Variants in GNL2 observed in about 807,000 individuals in gnomAD.
GNL2 encodes nucleolar GTP-binding protein 2.
GNL2 carries 51 observed loss-of-function variants against 92.3 expected under a neutral mutation model. The ratio of observed to expected loss-of-function variants is 0.55; its 90% CI spans 0.44 to 0.70. The LOEUF is 0.70. Among genes scored for constraint, GNL2 ranks in the 30% least tolerant of loss-of-function variants. The probability of loss-of-function intolerance (pLI) is 0.00; values close to 1 mark genes in which losing one functional copy is unlikely to be tolerated. For synonymous variants in GNL2, 283 were observed against 300.6 expected, an observed-to-expected ratio of 0.94 and a Z score of 0.61; for missense variants, 844 against 895.6, an observed-to-expected ratio of 0.94 and a Z score of 0.74.
chr1:37,592,992 C>T (rs1049708066), intron 2 of GNL2, among the ~76,000 whole-genome samples, 186 bp from the exon 3 acceptor site: 5 of 152,094 alleles, frequency 3.3e-5, no homozygotes, highest in Admixed American at 6.6e-5. Flanking sequence ...GCCATTTAAC[C>T]TCTTGCAACA....
chr1:37,593,843 C>A lies in GNL2; in HGVS notation c.68G>T (p.Arg23Leu), dbSNP rs865970057. 1 of 1,611,146 alleles carries A rather than the reference C, an allele frequency of 6.2e-7. No homozygotes were observed. The highest frequency in any genetic ancestry group is 1.1e-5 in the South Asian group (1 of 90,894). ...NPSKASTNPD[R>L]VQGAGGQNMR... The stretch of plus-strand genomic sequence containing the variant: ...GTTTTGGCCTCCTGCTCCCTGCACT[C>A]GATCTACAAAAGGCAGAAGTACACA... Residue 23 changes from arginine (R) to leucine (L), a missense_variant, in exon 2 of 16, where the codon CGA (arginine) becomes CTA (leucine). Transcript: ENST00000373062.
rs754553486 is a variant in GNL2 at position 37,574,412 on chromosome 1, A to G, written c.1347T>C (p.Asn449=). The G allele has an allele frequency of 6.2e-7, 1 of 1,614,074 alleles. No individual in the cohort carries two copies. The highest frequency in any genetic ancestry group is 2.2e-5 in the East Asian group (1 of 44,874). ...DLQTVGKMVL[N]DWQRGRIPFF... ...AAGGAATCCGGCCCCTCTGCCAGTC[A>G]TTGAGGACCATCTTACCCACAGTCT... The change falls in exon 12 of 16, where the codon AAT becomes AAC. Residue 449 remains asparagine, a synonymous_variant. Coordinates refer to ENST00000373062, the MANE Select transcript of GNL2 (RefSeq NM_013285.3).
At chr1:37,583,829 A>C in intron 6 of GNL2, 38 bp downstream of exon 6, 1 of 1,186,330 alleles carries the variant, frequency 8.4e-7, no homozygotes, top group Non-Finnish European at 1.3e-6. Context: ...ATGAAAGCCC[A>C]AGGAACCACT....
intron 4 of GNL2, among the ~76,000 whole-genome samples, chr1:37,588,214 C>T (rs927044707): frequency 3.3e-5 from 5 of 151,844 alleles, no homozygotes; most frequent in African/African-American, 9.7e-5. Flanking sequence ...ATAGGAATTT[C>T]TGAAGCAAGA....
rs1570054335 is a variant in GNL2 at position 37,575,536 on chromosome 1, G to A, written c.1143+59C>T. The stretch of plus-strand genomic sequence containing the variant: ...ATAAGTAAAAAGGAAAGGTATCCAG[G>A]GTTCCCTATAGAACACTCCCCCGCA... On this transcript the variant is annotated intron_variant, in intron 10 of 15. Transcript: ENST00000373062. This position sits in a 1 kb window ranked among gnomAD's most constrained non-coding sequence, Gnocchi z 4.1. 2.1e-6 allele frequency: 2 copies of A among 968,450 alleles called. No homozygotes were observed. 60.0% of individuals were successfully genotyped at this position (968,450 alleles called of 1,614,324 possible). A position where few individuals can be genotyped will look rare whatever the true frequency, so the allele number is the denominator to read the frequency against.
At chr1:37,582,646 A>G (rs1432912473) in intron 7 of GNL2, 132 bp downstream of exon 7, 1 of 783,044 alleles carries the variant, frequency 1.3e-6, no homozygotes, top group African/African-American at 1.7e-5. Context: ...CAATGAGCAC[A>G]CTTTCGTGTT....
In GNL2 at chr1:37,590,821, G is replaced by C. The variant is rs1462733147; in HGVS notation, c.269C>G (p.Ser90Ter). ...TTCCTCTTGAAATTTTTGTAATGAT[G>C]ACTGCTTAATCACACGTGTGTTTCC... ...WFGNTRVIKQ[S>*]SLQKFQEEMD... Residue 90 changes from serine to a stop codon, truncating the protein, a stop_gained, in exon 4 of 16, where the codon TCA becomes TGA. Transcript: ENST00000373062. LOFTEE classifies it high-confidence loss of function. The C allele has an allele frequency of 1.2e-6, 2 of 1,600,890 alleles. No homozygotes were observed. The highest frequency in any genetic ancestry group is 2.7e-5 in the African/African-American group (2 of 74,246).
At position 37,595,883 on chromosome 1, in the gene GNL2, A is replaced by C. The variant is rs941570441; in HGVS notation, c.-61T>G. 1.4e-6 allele frequency: 2 copies of C among 1,461,702 alleles called. No homozygotes were observed. Among genetic ancestry groups the C allele is most frequent in the Non-Finnish European group, 1.9e-6 (2 of 1,041,822 alleles). 90.5% of individuals were successfully genotyped at this position (1,461,702 alleles called of 1,614,324 possible). On this transcript the variant is annotated 5_prime_UTR_variant, in exon 1 of 16. Transcript: ENST00000373062. ...GGCTTACGTGGTGAAACAAACTTTTATGTTCCCAAGCCCGGCCGAAGACAC... is the reference window on the plus strand; with the variant it reads ...GGCTTACGTGGTGAAACAAACTTTTCTGTTCCCAAGCCCGGCCGAAGACAC...
At chr1:37,568,062 GAA>G (rs1643535430) in intron 14 of GNL2, 1 of 591,960 alleles carries the variant, frequency 1.7e-6, no homozygotes. Flanking sequence ...CCCTTTCTAG[GAA>G]GTTTCCTGAA....
At position 37,575,314 on chromosome 1, in the gene GNL2, G is replaced by A. The variant is rs940674738; in HGVS notation, c.1143+281C>T. 1.3e-5 allele frequency among the ~76,000 whole-genome samples: 2 copies of A among 152,172 alleles called. No individual in the cohort carries two copies. The highest frequency in any genetic ancestry group is 2.4e-5 in the African/African-American group (1 of 41,432). ...ACTCAACCCATAAACCCACGAAGAC[G>A]AATTATCGCTAAGCATAAACAGGCC... On this transcript the variant is annotated intron_variant, in intron 10 of 15. Transcript: ENST00000373062. This position sits in a 1 kb window ranked among gnomAD's most constrained non-coding sequence, Gnocchi z 4.1.
chr1:37,582,768 T>G lies in GNL2; in HGVS notation c.795+10A>C. The G allele has an allele frequency of 6.2e-7, 1 of 1,605,214 alleles. No homozygotes were observed. Among genetic ancestry groups the G allele is most frequent in the Non-Finnish European group, 8.5e-7 (1 of 1,174,808 alleles). On this transcript the variant is annotated intron_variant, in intron 7 of 15. Transcript: ENST00000373062. ...TTAATAGTCTATTCTGGTTTAGTAGTTGTACTTACTGTTGCCCAGGTTGGA... is the reference window on the plus strand; with the variant it reads ...TTAATAGTCTATTCTGGTTTAGTAGGTGTACTTACTGTTGCCCAGGTTGGA...
At chr1:37,579,692 T>C (rs1248692609) in intron 8 of GNL2, among the ~76,000 whole-genome samples, 1 of 151,004 alleles carries the variant, frequency 6.6e-6, no homozygotes, top group Non-Finnish European at 1.5e-5. Flanking sequence ...GGTCAAGAGA[T>C]CAAGACCATC....
intron 5 of GNL2, among the ~76,000 whole-genome samples, chr1:37,586,688 T>G (rs1643854944): frequency 6.6e-6 from 1 of 152,218 alleles, no homozygotes; most frequent in African/African-American, 2.4e-5. Context: ...TATGTTCTTT[T>G]TGTTGTATTT....
In GNL2 at chr1:37,576,051, C is replaced by T. The variant is rs182208873; in HGVS notation, c.1039-352G>A. 537 of 307,264 alleles carry T rather than the reference C, an allele frequency of 1.7e-3. 2 individuals carry two copies. Among genetic ancestry groups the T allele is most frequent in the Non-Finnish European group, 2.0e-3 (334 of 166,982 alleles). 19.0% of individuals were successfully genotyped at this position (307,264 alleles called of 1,614,324 possible). ...CTTTAAGCAAAACCATGCTGTTCCC[C>T]ACTATGTGTTCTAGGATATGACCCC... On this transcript the variant is annotated intron_variant, in intron 9 of 15. Coordinates refer to ENST00000373062, the MANE Select transcript of GNL2 (RefSeq NM_013285.3).
At chr1:37,583,139 G>C (rs998010182) in intron 6 of GNL2, 2 of 385,036 alleles carry the variant, frequency 5.2e-6, no homozygotes, top group South Asian at 7.6e-5. Context: ...GAAACCTGCT[G>C]AATTTAAAAC....
Position 37,574,973 on chromosome 1 carries a change from A to G in GNL2, c.1144-150T>C, listed in dbSNP as rs1643656008. ...GAGCCTGTCTCTGACGGGGCTAGACATGGTCAGCTGCAAGGAGCACTGCTG... is the reference window on the plus strand; with the variant it reads ...GAGCCTGTCTCTGACGGGGCTAGACGTGGTCAGCTGCAAGGAGCACTGCTG... On this transcript the variant is annotated intron_variant, in intron 10 of 15. Transcript: ENST00000373062. The G allele has an allele frequency of 1.3e-5, 8 of 628,402 alleles. No homozygotes were observed. In the East Asian group the frequency reaches 1.9e-4, roughly 15 times the overall value. 38.9% of individuals were successfully genotyped at this position (628,402 alleles called of 1,614,324 possible).
At chr1:37,583,587 T>C (rs1006259758) in intron 6 of GNL2, among the ~76,000 whole-genome samples, 1 of 152,210 alleles carries the variant, frequency 6.6e-6, no homozygotes, top group Non-Finnish European at 1.5e-5. Flanking sequence ...CTAGGCATGA[T>C]AAATTTGGCA....
chr1:37,585,703 T>C (rs1044725350), intron 5 of GNL2, among the ~76,000 whole-genome samples: 2 of 152,142 alleles, frequency 1.3e-5, no homozygotes, highest in Non-Finnish European at 2.9e-5. Context: ...CACTGCCTCT[T>C]TTTGCTTGGC....
chr1:37,580,617 A>G lies in GNL2; in HGVS notation c.909+1606T>C, dbSNP rs538177856. ...CAGCCATGGGAATTCTCTGGATGACAGTGAAAGGAAATCCCAGAAAGACGA... is the reference window on the plus strand; with the variant it reads ...CAGCCATGGGAATTCTCTGGATGACGGTGAAAGGAAATCCCAGAAAGACGA... On this transcript the variant is annotated intron_variant, in intron 8 of 15. Transcript: ENST00000373062. 3.5e-4 allele frequency among the ~76,000 whole-genome samples: 53 copies of G among 152,336 alleles called. 1 individual carries two copies. Among genetic ancestry groups the G allele is most frequent in the East Asian group, 1.7e-3 (9 of 5,190 alleles).
Sources: allele counts gnomAD v4.1 joint callset (sites outside exome capture counted in the v4.1 genomes callset), GRCh38; gene constraint gnomAD v4.1.1; non-coding constraint Gnocchi (gnomAD v3.1); transcripts MANE v1.5; gene names NCBI Gene and HGNC (gene_info 2026-07-23, HGNC 2026-07-21).